The following CNST variants were observed in gnomAD, a reference collection of about 807,000 sequenced individuals.
CNST encodes consortin, connexin sorting protein, also known as consortin.
A neutral mutation model predicts 72.4 loss-of-function variants in CNST; 39 were observed. The ratio of observed to expected loss-of-function variants is 0.54; its 90% confidence interval spans 0.42 to 0.70. The LOEUF is 0.70. Among genes scored for constraint, CNST ranks in the 30% least tolerant of loss-of-function variants. CNST has a pLI of 0.00. For synonymous variants in CNST, 332 were observed against 320.1 expected, an observed-to-expected ratio of 1.04 and a Z score of -0.40; for missense variants, 871 against 868.5, an observed-to-expected ratio of 1.00 and a Z score of -0.04.
At position 246,605,636 on chromosome 1, in the gene CNST, A is replaced by G. The variant is rs569819298; in HGVS notation, c.379+13695A>G. 4.6e-5 allele frequency among the ~76,000 whole-genome samples: 7 copies of G among 150,896 alleles called. No individual in the cohort carries two copies. The South Asian group carries it at 1.3e-3, about 27-fold the overall frequency. On this transcript the variant is annotated intron_variant, in intron 2 of 10. Coordinates refer to ENST00000366513, the MANE Select transcript of CNST (RefSeq NM_152609.3). ...TGGTACCTGGATGGCCTCTCTGTCT[A>G]TCCTCGGTGGTGGGTGTCTTCCGGC...
chr1:246,650,628 ATTTTAAAAATTTC>A (rs771922625), intron 9 of CNST, among the ~76,000 whole-genome samples: 1 of 149,486 alleles, frequency 6.7e-6, no homozygotes, highest in Non-Finnish European at 1.5e-5. Context: ...TAGGATTTTT[ATTTTAAAAATTTC>A]TTTTAGATTT....
intron 9 of CNST, among the ~76,000 whole-genome samples, chr1:246,653,841 G>A (rs1254183515): frequency 1.3e-5 from 2 of 152,028 alleles, no homozygotes; most frequent in African/African-American, 4.8e-5. Flanking sequence ...TTGGTCTTAC[G>A]TTAGCACTCT....
At chr1:246,646,103 C>A (rs1666047243) in intron 8 of CNST, among the ~76,000 whole-genome samples, 1 of 151,736 alleles carries the variant, frequency 6.6e-6, no homozygotes, top group Admixed American at 6.6e-5. Context: ...CACGGTGAAA[C>A]CCCATCTCTA....
intron 2 of CNST, among the ~76,000 whole-genome samples, chr1:246,593,228 T>C (rs1217727859): frequency 7.2e-5 from 11 of 152,236 alleles, no homozygotes; most frequent in Non-Finnish European, 1.5e-5. Context: ...AATCTGGCTT[T>C]CTGGTTAATG....
chr1:246,578,668 CAAA>C (rs535495219), intron 1 of CNST, among the ~76,000 whole-genome samples: 1 of 140,390 alleles, frequency 7.1e-6, no homozygotes, highest in Admixed American at 7.1e-5. Flanking sequence ...GACTCCGTTT[CAAA>C]AAAAAAAAAA....
chr1:246,642,077 A>C (rs755514178), intron 8 of CNST, 40 bp downstream of exon 8: 80 of 1,096,958 alleles, frequency 7.3e-5, no homozygotes, highest in Non-Finnish European at 3.7e-5. Flanking sequence ...CGTAAAAGAT[A>C]CCTGCCTCTT....
intron 9 of CNST, among the ~76,000 whole-genome samples, chr1:246,651,152 C>T (rs775793576): frequency 5.3e-5 from 8 of 151,984 alleles, no homozygotes; most frequent in Non-Finnish European, 1.0e-4. Context: ...TTTTATGCTT[C>T]CTTCCGTTTG....
chr1:246,606,700 G>A (rs1662856501), intron 2 of CNST: 1 of 151,646 alleles, frequency 6.6e-6, no homozygotes, highest in East Asian at 2.0e-4. Flanking sequence ...CCATTGCGGA[G>A]GCCACTCGTC....
At chr1:246,619,203 A>G (rs932914056) in intron 2 of CNST, among the ~76,000 whole-genome samples, 2 of 151,992 alleles carry the variant, frequency 1.3e-5, no homozygotes, top group East Asian at 1.9e-4. Flanking sequence ...TTCTCCGTGG[A>G]AAACTCCTTT....
At chr1:246,615,217 C>G (rs1663599868) in intron 2 of CNST, among the ~76,000 whole-genome samples, 1 of 152,162 alleles carries the variant, frequency 6.6e-6, no homozygotes, top group East Asian at 1.9e-4. Flanking sequence ...GCTCTGTCAC[C>G]CAGGCTGGAG....
chr1:246,571,759 CCTG>C (rs1660087532), intron 1 of CNST, among the ~76,000 whole-genome samples: 1 of 152,184 alleles, frequency 6.6e-6, no homozygotes, highest in African/African-American at 2.4e-5. Flanking sequence ...AAGTGATCCT[CCTG>C]CTGTAGCCTC....
chr1:246,633,306 G>A (rs551789222), intron 4 of CNST, among the ~76,000 whole-genome samples: 25 of 152,060 alleles, frequency 1.6e-4, no homozygotes, highest in Middle Eastern at 3.4e-3. Context: ...AAAAGGAGCC[G>A]GGCATGATGG....
intron 2 of CNST, among the ~76,000 whole-genome samples, chr1:246,608,444 AATGT>A (rs1663070400): frequency 9.9e-5 from 15 of 152,270 alleles, no homozygotes; most frequent in African/African-American, 3.4e-4. Context: ...TAAAGTGTAA[AATGT>A]CTAATCAAAC....
chr1:246,663,994 A>G (rs535892118), intron 10 of CNST, among the ~76,000 whole-genome samples: 11 of 152,332 alleles, frequency 7.2e-5, no homozygotes, highest in African/African-American at 2.6e-4. Flanking sequence ...ACAATGTTCT[A>G]AATAAAGTCT....
At chr1:246,662,868 C>T (rs1035483537) in intron 10 of CNST, among the ~76,000 whole-genome samples, 4 of 152,098 alleles carry the variant, frequency 2.6e-5, no homozygotes, top group Non-Finnish European at 5.9e-5. Flanking sequence ...CCAACAGCCA[C>T]CTGTGGCTCA....
intron 9 of CNST, among the ~76,000 whole-genome samples, 160 bp from the exon 10 acceptor site, chr1:246,660,039 A>G (rs1667001720): frequency 6.6e-6 from 1 of 152,198 alleles, no homozygotes; most frequent in Admixed American, 6.5e-5. Context: ...CAGAGAAGTG[A>G]AAGTTTTATT....
intron 1 of CNST, among the ~76,000 whole-genome samples, chr1:246,586,034 C>T (rs1224025489): frequency 4.7e-5 from 7 of 150,524 alleles, no homozygotes; most frequent in South Asian, 2.1e-4. Context: ...GAGCTATGAC[C>T]TTGCCACTGC....
At chr1:246,645,423 A>ATTTTTTT (rs762655117) in intron 8 of CNST, among the ~76,000 whole-genome samples, 11 of 106,076 alleles carry the variant, frequency 1.0e-4, no homozygotes, top group African/African-American at 3.5e-4. Flanking sequence ...AAAGGTTAAA[A>ATTTTTTT]CTTTTTTTTT....
At chr1:246,649,892 C>T (rs1666356012) in intron 9 of CNST, among the ~76,000 whole-genome samples, 1 of 150,896 alleles carries the variant, frequency 6.6e-6, no homozygotes, top group Admixed American at 6.7e-5. Flanking sequence ...TATCTTCAAC[C>T]TCCTCCCTAC....
Sources: gnomAD v4.1 joint callset for allele counts (sites outside exome capture counted in the v4.1 genomes callset) on GRCh38, gnomAD v4.1.1 for gene constraint, MANE v1.5 for transcripts, NCBI Gene and HGNC (gene_info 2026-07-23, HGNC 2026-07-21) for gene names.